Variants in MOB3B observed in about 807,000 individuals in gnomAD.
MOB3B encodes MOB kinase activator 3B.
In MOB3B, 7 loss-of-function variants were observed where a neutral mutation model predicts 18.7. The ratio of observed to expected loss-of-function variants is 0.37; its 90% CI spans 0.21 to 0.70. The LOEUF is 0.70. Among genes scored for constraint, MOB3B ranks in the 30% least tolerant of loss-of-function variants. The pLI is 0.52. For missense variants in MOB3B, 253 were observed against 281.3 expected (o/e 0.90, Z 0.72); for synonymous variants, 111 against 99.9 (o/e 1.11, Z -0.66).
At chr9:27,382,411 T>C (rs976195509) in intron 2 of MOB3B, among the ~76,000 whole-genome samples, 8 of 152,138 alleles carry the variant, frequency 5.3e-5, no homozygotes, top group African/African-American at 1.7e-4. Flanking sequence ...TTATTCCTGG[T>C]GCCCTGACTC....
intron 2 of MOB3B, among the ~76,000 whole-genome samples, chr9:27,442,640 CT>C (rs957532428): frequency 6.6e-6 from 1 of 152,170 alleles, no homozygotes; most frequent in African/African-American, 2.4e-5. Flanking sequence ...CTCTTTGCCC[CT>C]GGCTCCTGAG....
intron 2 of MOB3B, among the ~76,000 whole-genome samples, chr9:27,399,245 C>T (rs902569425): frequency 6.6e-6 from 1 of 152,204 alleles, no homozygotes; most frequent in Non-Finnish European, 1.5e-5. Context: ...TATCCCACTT[C>T]CCAGTGGGGC....
At chr9:27,342,981 A>C (rs557193631) in intron 3 of MOB3B, among the ~76,000 whole-genome samples, 21 of 143,304 alleles carry the variant, frequency 1.5e-4, no homozygotes, top group South Asian at 6.8e-4. Context: ...TCTGGGAGGT[A>C]TACCCAACAG....
intron 1 of MOB3B, chr9:27,524,894 C>T: frequency 6.2e-7 from 1 of 1,612,354 alleles, no homozygotes; most frequent in South Asian, 1.1e-5. Context: ...GGGAGATTGT[C>T]CGAGTGGAAA....
chr9:27,511,220 A>AT (rs1386432548), intron 1 of MOB3B, among the ~76,000 whole-genome samples: 2 of 151,030 alleles, frequency 1.3e-5, no homozygotes, highest in Non-Finnish European at 3.0e-5. Flanking sequence ...CTTTGACAAA[A>AT]AAAAAAAGAA....
chr9:27,471,136 A>G (rs1314782323), intron 1 of MOB3B, among the ~76,000 whole-genome samples: 1 of 151,622 alleles, frequency 6.6e-6, no homozygotes, highest in African/African-American at 2.4e-5. Flanking sequence ...CTAGCATCCC[A>G]CCCCTCACCA....
chr9:27,516,573 G>A (rs1820237955), intron 1 of MOB3B, among the ~76,000 whole-genome samples: 1 of 152,136 alleles, frequency 6.6e-6, no homozygotes, highest in African/African-American at 2.4e-5. Flanking sequence ...AAAATTCTGT[G>A]GAGTCATCTG....
chr9:27,343,240 G>A (rs1224169160), intron 3 of MOB3B, among the ~76,000 whole-genome samples: 1 of 151,498 alleles, frequency 6.6e-6, no homozygotes, highest in Non-Finnish European at 1.5e-5. Flanking sequence ...TAAGGGTGGT[G>A]CAAGATGTGC....
At position 27,522,929 on chromosome 9, in the gene MOB3B, T is replaced by TATATATATATATA. The variant is rs60042853; in HGVS notation, c.-199+6625_-199+6626insTATATATATATAT. On this transcript the variant is annotated intron_variant, in intron 1 of 3. Transcript: ENST00000262244. Reference sequence around the variant, plus strand: ...AATAGAATAATATATATATATATATTTTTTTCCGTAAGAAACCTTTCCTAA... The same window carrying TATATATATATATA: ...AATAGAATAATATATATATATATATTATATATATATATATTTTTCCGTAAGAAACCTTTCCTAA... 1.0e-3 allele frequency among the ~76,000 whole-genome samples: 151 copies of TATATATATATATA among 151,294 alleles called. 1 individual carries two copies. Among genetic ancestry groups the TATATATATATATA allele is most frequent in the African/African-American group, 3.6e-3 (148 of 41,284 alleles).
chr9:27,505,853 G>T (rs1466223442), intron 1 of MOB3B, among the ~76,000 whole-genome samples: 2 of 152,108 alleles, frequency 1.3e-5, no homozygotes, highest in African/African-American at 4.8e-5. Flanking sequence ...CTCATTTCCC[G>T]TAGAGCCATT....
intron 1 of MOB3B, among the ~76,000 whole-genome samples, chr9:27,486,024 G>A (rs963713023): frequency 6.6e-6 from 1 of 152,226 alleles, no homozygotes; most frequent in Non-Finnish European, 1.5e-5. Flanking sequence ...TCTTCTCTTA[G>A]TGGAGCTTAC....
At chr9:27,483,120 C>A (rs576901288) in intron 1 of MOB3B, among the ~76,000 whole-genome samples, 1 of 138,464 alleles carries the variant, frequency 7.2e-6, no homozygotes, top group African/African-American at 2.6e-5. Context: ...TACAAATATA[C>A]GGTACTTTTT....
At chr9:27,403,354 A>G (rs1270783969) in intron 2 of MOB3B, among the ~76,000 whole-genome samples, 1 of 152,176 alleles carries the variant, frequency 6.6e-6, no homozygotes, top group Non-Finnish European at 1.5e-5. Flanking sequence ...AGTTACACTT[A>G]GGAGAAAGTC....
intron 2 of MOB3B, among the ~76,000 whole-genome samples, chr9:27,407,112 C>T (rs1249289423): frequency 3.9e-5 from 6 of 152,168 alleles, no homozygotes; most frequent in Non-Finnish European, 1.5e-5. Flanking sequence ...GCTGGGATTA[C>T]AGGCATGAAC....
intron 1 of MOB3B, among the ~76,000 whole-genome samples, chr9:27,507,642 C>T (rs1336195973): frequency 6.6e-6 from 1 of 152,188 alleles, no homozygotes; most frequent in Non-Finnish European, 1.5e-5. Context: ...CTTGTTTTAA[C>T]AGCTACAGAA....
intron 1 of MOB3B, among the ~76,000 whole-genome samples, chr9:27,501,580 T>C (rs1423221971): frequency 7.7e-6 from 1 of 129,816 alleles, no homozygotes; most frequent in Non-Finnish European, 1.6e-5. Flanking sequence ...GAGAGGAACA[T>C]CACACACCAG....
chr9:27,479,512 C>A (rs983875587), intron 1 of MOB3B, among the ~76,000 whole-genome samples: 1 of 152,034 alleles, frequency 6.6e-6, no homozygotes. Context: ...AATTCATAGA[C>A]CCTTGCTGAA....
chr9:27,370,687 A>G (rs1375854666), intron 2 of MOB3B, among the ~76,000 whole-genome samples: 1 of 152,154 alleles, frequency 6.6e-6, no homozygotes. Flanking sequence ...AGAAATAAAC[A>G]TTTGTTGTTT....
intron 1 of MOB3B, among the ~76,000 whole-genome samples, chr9:27,456,128 G>C (rs1822866782): frequency 6.6e-6 from 1 of 152,124 alleles, no homozygotes; most frequent in Admixed American, 6.6e-5. Context: ...AGTAGGCATG[G>C]GGACACTTCC....
Sources: gnomAD v4.1 joint callset for allele counts (sites outside exome capture counted in the v4.1 genomes callset) on GRCh38, gnomAD v4.1.1 for gene constraint, MANE v1.5 for transcripts, NCBI Gene and HGNC (gene_info 2026-07-23, HGNC 2026-07-21) for gene names.